Variants in NRCAM observed in about 807,000 individuals in gnomAD.
The protein encoded by NRCAM is neuronal cell adhesion molecule.
In NRCAM, 83 loss-of-function variants were observed where a neutral mutation model predicts 156.5. The observed-to-expected ratio is 0.53, with a 90% CI of 0.44 to 0.64. NRCAM has a LOEUF of 0.64. Ranked by LOEUF, NRCAM falls within the 30% of genes least tolerant of loss-of-function variation. The pLI is 0.00. For missense variants in NRCAM, 1,417 were observed against 1,597.3 expected (o/e 0.89, Z 1.92); for synonymous variants, 538 against 563.9 (o/e 0.95, Z 0.65).
chr7:108,421,431 C>A (rs903395534), intron 1 of NRCAM, among the ~76,000 whole-genome samples: 1 of 152,210 alleles, frequency 6.6e-6, no homozygotes, highest in African/African-American at 2.4e-5. Flanking sequence ...TAGACCATTG[C>A]AAGACTAAGT....
chr7:108,346,782 C>T (rs1355911563), intron 2 of NRCAM, among the ~76,000 whole-genome samples: 5 of 151,978 alleles, frequency 3.3e-5, no homozygotes, highest in African/African-American at 4.8e-5. Flanking sequence ...CAATTAAGCC[C>T]GTGAAATGTG....
intron 12 of NRCAM, 114 bp from the exon 13 acceptor site, chr7:108,207,773 CA>C (rs756732239): frequency 1.6e-4 from 125 of 779,958 alleles, no homozygotes; most frequent in Non-Finnish European, 2.1e-4. Flanking sequence ...AAATTAGTCT[CA>C]TTTTTTTTGA....
intron 3 of NRCAM, among the ~76,000 whole-genome samples, chr7:108,300,249 T>C (rs1341195794): frequency 6.9e-6 from 1 of 144,456 alleles, no homozygotes; most frequent in Non-Finnish European, 1.5e-5. Context: ...GCTTAGGGCA[T>C]ATTTGATTAT....
chr7:108,195,646 T>G, intron 15 of NRCAM, 115 bp downstream of exon 15: 1 of 660,508 alleles, frequency 1.5e-6, no homozygotes, highest in Non-Finnish European at 2.7e-6. Context: ...AACAGTGTAA[T>G]GGATTGTGTG....
intron 2 of NRCAM, among the ~76,000 whole-genome samples, chr7:108,342,947 C>T (rs1302996964): frequency 6.6e-6 from 1 of 152,200 alleles, no homozygotes; most frequent in Non-Finnish European, 1.5e-5. Context: ...ACTTGTGCAA[C>T]TCTTAACCCA....
chr7:108,353,494 T>A (rs10258432), intron 2 of NRCAM, among the ~76,000 whole-genome samples: 7 of 151,590 alleles, frequency 4.6e-5, no homozygotes, highest in African/African-American at 1.5e-4. Context: ...TAATTTTAAA[T>A]TTTTTTTAGA....
intron 17 of NRCAM, 142 bp downstream of exon 17, chr7:108,193,882 G>GA: frequency 1.3e-6 from 1 of 759,894 alleles, no homozygotes; most frequent in South Asian, 1.9e-5. Flanking sequence ...ACAGTAGGGA[G>GA]AAAATGCTTA....
chr7:108,180,915 T>TA (rs1286819490), intron 24 of NRCAM, among the ~76,000 whole-genome samples: 3 of 152,224 alleles, frequency 2.0e-5, no homozygotes, highest in African/African-American at 7.2e-5. Context: ...TGTGGGCTAC[T>TA]AAGTGACTTT....
chr7:108,209,697 C>G, intron 11 of NRCAM, 92 bp from the exon 12 acceptor site: 1 of 882,488 alleles, frequency 1.1e-6, no homozygotes. Context: ...TGTAACAAAT[C>G]TTTATTAAAA....
chr7:108,198,508 A>T (rs1357715562), intron 13 of NRCAM, among the ~76,000 whole-genome samples: 1 of 152,140 alleles, frequency 6.6e-6, no homozygotes, highest in Non-Finnish European at 1.5e-5. Flanking sequence ...AGATGCAGAA[A>T]AAAAACTCTT....
At chr7:108,309,027 G>T (rs2098759958) in intron 3 of NRCAM, among the ~76,000 whole-genome samples, 1 of 152,198 alleles carries the variant, frequency 6.6e-6, no homozygotes. Flanking sequence ...ACTTCATGTG[G>T]AAATGGAAAG....
intron 3 of NRCAM, 120 bp downstream of exon 3, chr7:108,312,545 C>T (rs144288490): frequency 1.2e-3 from 190 of 152,256 alleles, no homozygotes; most frequent in African/African-American, 4.1e-3. Flanking sequence ...TGTCTTTTAT[C>T]ATACTCTCTG....
chr7:108,362,056 G>T (rs968982467), intron 2 of NRCAM, among the ~76,000 whole-genome samples: 1 of 152,150 alleles, frequency 6.6e-6, no homozygotes, highest in African/African-American at 2.4e-5. Flanking sequence ...AAGCAACCCA[G>T]ATGTCTTTTA....
chr7:108,230,928 C>T (rs1362875637), intron 8 of NRCAM, 103 bp downstream of exon 8: 4 of 850,268 alleles, frequency 4.7e-6, no homozygotes, highest in African/African-American at 3.6e-5. Flanking sequence ...TTTTCCTGAG[C>T]ATCTCTAAAA....
Position 108,435,904 on chromosome 7 carries a change from G to A in NRCAM, c.-332+20339C>T, listed in dbSNP as rs547213718. Among the ~76,000 whole-genome samples, 15 of 152,324 alleles carry A rather than the reference G, an allele frequency of 9.8e-5. No individual in the cohort carries two copies. The South Asian group carries it at 1.2e-3, about 13-fold the overall frequency. On this transcript the variant is annotated intron_variant, in intron 1 of 32. Coordinates refer to ENST00000379028, the MANE Select transcript of NRCAM (RefSeq NM_001037132.4). Reference sequence around the variant, plus strand: ...TCCCAGCACTTTGGGAGGCCGAGGCGGGTGGATCACGAGGGTAGGAGATCC... The same window carrying A: ...TCCCAGCACTTTGGGAGGCCGAGGCAGGTGGATCACGAGGGTAGGAGATCC...
chr7:108,223,150 A>G (rs775587722), intron 11 of NRCAM, among the ~76,000 whole-genome samples: 12 of 152,142 alleles, frequency 7.9e-5, no homozygotes, highest in Non-Finnish European at 1.6e-4. Context: ...TGCAAGAGAG[A>G]TGTTAGCAAC....
At chr7:108,454,864 G>T (rs1173253780) in intron 1 of NRCAM, among the ~76,000 whole-genome samples, 2 of 152,222 alleles carry the variant, frequency 1.3e-5, no homozygotes, top group Non-Finnish European at 2.9e-5. Flanking sequence ...CTGGGACTCG[G>T]AAAGGAAAAG....
Position 108,178,097 on chromosome 7 carries a change from G to A in NRCAM, c.2867C>T (p.Ser956Leu), listed in dbSNP as rs2061634923. ...NTPEGVPSAP[S>L]SLKIVNPTLD... ...TGTTGGATTCACAATCTTCAAAGAC[G>A]AGGGAGCACTGGGGACTTACAGTGA... Residue 956 changes from serine to leucine, a missense_variant, in exon 26 of 33, where the codon TCG becomes TTG. This residue lies in a region of NRCAM where 1,238 missense variants were observed against 1,336.4 expected (regional missense o/e 0.93). Coordinates refer to ENST00000379028, the MANE Select transcript of NRCAM (RefSeq NM_001037132.4). 3 of 1,612,884 alleles carry A rather than the reference G, an allele frequency of 1.9e-6. No individual in the cohort carries two copies. The highest frequency in any genetic ancestry group is 1.1e-5 in the South Asian group (1 of 90,966).
chr7:108,313,848 A>T (rs2154187114), intron 2 of NRCAM, among the ~76,000 whole-genome samples: 1 of 152,340 alleles, frequency 6.6e-6, no homozygotes, highest in Non-Finnish European at 1.5e-5. Flanking sequence ...AAGAATTTTA[A>T]GATATATCTA....
Sources: gnomAD v4.1 joint callset for allele counts (sites outside exome capture counted in the v4.1 genomes callset) on GRCh38, gnomAD v4.1.1 for gene constraint, gnomAD v4.1.1 regional missense constraint, MANE v1.5 for transcripts, NCBI Gene and HGNC (gene_info 2026-07-23, HGNC 2026-07-21) for gene names.